The following CRYBG1 variants were observed in gnomAD, a reference collection of about 807,000 sequenced individuals.
CRYBG1 encodes the protein crystallin beta-gamma domain containing 1, also known as beta/gamma crystallin domain-containing protein 1.
A neutral mutation model predicts 189.2 loss-of-function variants in CRYBG1; 139 were observed. The ratio of observed to expected loss-of-function variants is 0.73; its 90% confidence interval spans 0.64 to 0.85. The LOEUF (loss-of-function observed/expected upper bound fraction) is 0.85, where lower values mean the gene tolerates loss of function less well. Ranked by LOEUF, CRYBG1 falls within the 40% of genes least tolerant of loss-of-function variation. CRYBG1 has a pLI of 0.00. For synonymous variants in CRYBG1, 1,023 were observed against 1,017.1 expected, an observed-to-expected ratio of 1.01 and a Z score of -0.11; for missense variants, 2,611 against 2,675.8, an observed-to-expected ratio of 0.98 and a Z score of 0.53.
intron 8 of CRYBG1, among the ~76,000 whole-genome samples, chr6:106,535,425 T>G (rs1773981192): frequency 6.6e-6 from 1 of 152,218 alleles, no homozygotes; most frequent in South Asian, 2.1e-4. Context: ...TTTACCATAT[T>G]TGTGTTATTT....
chr6:106,431,439 T>G (rs1346032920), intron 1 of CRYBG1, among the ~76,000 whole-genome samples: 1 of 152,012 alleles, frequency 6.6e-6, no homozygotes, highest in Non-Finnish European at 1.5e-5. Flanking sequence ...AGGAGATAAT[T>G]CAGCATCACG....
At chr6:106,491,585 A>T (rs1772723626) in intron 2 of CRYBG1, among the ~76,000 whole-genome samples, 1 of 152,032 alleles carries the variant, frequency 6.6e-6, no homozygotes, top group Non-Finnish European at 1.5e-5. Flanking sequence ...ACTCTGCGTC[A>T]TGGAGTTCCT....
In CRYBG1 at chr6:106,568,519, A is replaced by G. The variant is rs373762109; in HGVS notation, c.6349A>G (p.Lys2117Glu). 5 of 1,613,970 alleles carry G rather than the reference A, an allele frequency of 3.1e-6. No homozygotes were observed. In the African/African-American group the frequency reaches 6.7e-5, roughly 22 times the overall value. ...QNHIILNTVSKEKFTQVWEAM... is the reference protein window; with the variant it reads ...QNHIILNTVSEEKFTQVWEAM... ...TCACATTATCCTCAACACTGTCAGC[A>G]AAGAGAAGTTTACACAAGTGTGGGA... The change falls in exon 22 of 22, where the codon AAA becomes GAA. Residue 2117 changes from lysine (K) to glutamate (E), a missense_variant. By Grantham distance (56) the Lys-to-Glu change is moderately conservative. Coordinates refer to ENST00000633556, the MANE Select transcript of CRYBG1 (RefSeq NM_001371242.2).
chr6:106,362,238 G>A (rs1342621158), intron 1 of CRYBG1, among the ~76,000 whole-genome samples: 1 of 151,644 alleles, frequency 6.6e-6, no homozygotes, highest in Non-Finnish European at 1.5e-5. Flanking sequence ...CAAAGTGCTG[G>A]GATTACAGGC....
chr6:106,507,565 A>G (rs1388269555), intron 2 of CRYBG1, among the ~76,000 whole-genome samples: 1 of 152,004 alleles, frequency 6.6e-6, no homozygotes, highest in Non-Finnish European at 1.5e-5. Flanking sequence ...GCAAATTATC[A>G]TCAAGCCTGG....
intron 8 of CRYBG1, among the ~76,000 whole-genome samples, chr6:106,533,712 T>C (rs1350006308): frequency 6.6e-6 from 1 of 152,120 alleles, no homozygotes; most frequent in African/African-American, 2.4e-5. Context: ...CCAACATTTA[T>C]TGAGACGAAA....
Position 106,512,014 on chromosome 6 carries a change from G to T in CRYBG1, c.897G>T (p.Ser299=), listed in dbSNP as rs1485377618. 5.2e-6 allele frequency: 8 copies of T among 1,529,260 alleles called. No individual in the cohort carries two copies. In the East Asian group the frequency reaches 2.0e-4, roughly 38 times the overall value. The allele number at this position is 1,529,260 out of a possible 1,614,324, so 94.7% of individuals were successfully genotyped here. ...TGGGTGTGAGGGGTGCGCCAGGGTC[G>T]CCCACCCAGGAGCGGCCCGCGGGAG... The part of the protein sequence containing the change: ...AFLGVRGAPG[S]PTQERPAGGL... The change falls in exon 3 of 22, where the codon TCG becomes TCT. Residue 299 remains serine (S), a synonymous_variant. Transcript: ENST00000633556.
chr6:106,434,723 T>G (rs564494470), intron 1 of CRYBG1, among the ~76,000 whole-genome samples: 1 of 152,358 alleles, frequency 6.6e-6, no homozygotes, highest in East Asian at 1.9e-4. Context: ...ACAATTGCTG[T>G]GTGGCTCTTC....
chr6:106,371,397 G>A (rs1016521483), intron 1 of CRYBG1, among the ~76,000 whole-genome samples: 1 of 152,180 alleles, frequency 6.6e-6, no homozygotes, highest in Non-Finnish European at 1.5e-5. Context: ...CTGGGCAGAG[G>A]AGGCTCACCC....
chr6:106,512,458 G>A lies in CRYBG1; in HGVS notation c.1341G>A (p.Val447=). 6.2e-7 allele frequency: 1 copy of A among 1,611,036 alleles called. No homozygotes were observed. Among genetic ancestry groups the A allele is most frequent in the Non-Finnish European group, 8.5e-7 (1 of 1,179,082 alleles). The change falls in exon 3 of 22, where the codon GTG becomes GTA. Residue 447 remains valine, a synonymous_variant. Coordinates refer to ENST00000633556, the MANE Select transcript of CRYBG1 (RefSeq NM_001371242.2). ...AGAGCGCTGCCAGGGACGACGCGGT[G>A]TTCGACGACGAGGTGGCGCCAAACG... The part of the protein sequence containing the change: ...LPESAARDDA[V]FDDEVAPNAA...
At chr6:106,462,157 TTTTG>T (rs1216398564) in intron 2 of CRYBG1, among the ~76,000 whole-genome samples, 7 of 151,602 alleles carry the variant, frequency 4.6e-5, no homozygotes, top group Non-Finnish European at 7.4e-5. Flanking sequence ...TTTGTTTGTT[TTTTG>T]TTTTTTTGTT....
chr6:106,499,207 C>T (rs1212393228), intron 2 of CRYBG1, among the ~76,000 whole-genome samples: 1 of 144,010 alleles, frequency 6.9e-6, no homozygotes, highest in Non-Finnish European at 1.5e-5. Flanking sequence ...GGCTGGAGTG[C>T]AGTGGCGTGA....
intron 2 of CRYBG1, among the ~76,000 whole-genome samples, chr6:106,489,330 GCAACT>G (rs1772663714): frequency 6.6e-6 from 1 of 151,906 alleles, no homozygotes; most frequent in Non-Finnish European, 1.5e-5. Context: ...TGAAAGCCAG[GCAACT>G]CTAGTTGGCC....
chr6:106,405,103 C>T (rs1166523527), intron 1 of CRYBG1, among the ~76,000 whole-genome samples: 1 of 152,172 alleles, frequency 6.6e-6, no homozygotes, highest in East Asian at 1.9e-4. Context: ...GATTCCACCC[C>T]CATGGAGCCC....
chr6:106,521,334 G>C lies in CRYBG1; in HGVS notation c.4126G>C (p.Val1376Leu). ...GGAAAAGGCTAATCATATTGAAAGT[G>C]TTATTAAATCAAACTTGCCAAACTG... ...DMEKANHIES[V>L]IKSNLPNCAN... is the part of the protein sequence containing the mutation. The change falls in exon 4 of 22, where the codon GTT (valine) becomes CTT (leucine). Residue 1376 changes from valine (V) to leucine (L), a missense_variant. Val to Leu is a conservative substitution (Grantham distance 32). Transcript: ENST00000633556. 1 of 1,614,142 alleles carries C rather than the reference G, an allele frequency of 6.2e-7. No homozygotes were observed. Among genetic ancestry groups the C allele is most frequent in the Non-Finnish European group, 8.5e-7 (1 of 1,180,036 alleles).
At chr6:106,462,402 G>A (rs1228574332) in intron 2 of CRYBG1, among the ~76,000 whole-genome samples, 1 of 152,044 alleles carries the variant, frequency 6.6e-6, no homozygotes, top group African/African-American at 2.4e-5. Context: ...CTCGTGATCC[G>A]CCCACCTCAG....
chr6:106,420,355 A>C (rs1582752427), intron 1 of CRYBG1, among the ~76,000 whole-genome samples: 1 of 152,194 alleles, frequency 6.6e-6, no homozygotes, highest in Non-Finnish European at 1.5e-5. Context: ...AGTCTCAGTA[A>C]ATCTACATTT....
intron 1 of CRYBG1, among the ~76,000 whole-genome samples, chr6:106,400,136 CAAAA>C (rs11286627): frequency 2.0e-4 from 15 of 76,378 alleles, no homozygotes; most frequent in African/African-American, 6.6e-4. Context: ...GACTCCATCT[CAAAA>C]AAAAAAAAAA....
chr6:106,436,151 A>G (rs563859303), intron 1 of CRYBG1, among the ~76,000 whole-genome samples: 2 of 149,032 alleles, frequency 1.3e-5, no homozygotes, highest in Non-Finnish European at 3.0e-5. Context: ...TTTTCTTATT[A>G]TAAGAGAATG....
Sources: gnomAD v4.1 joint callset for allele counts (sites outside exome capture counted in the v4.1 genomes callset) on GRCh38, gnomAD v4.1.1 for gene constraint, MANE v1.5 for transcripts, NCBI Gene and HGNC (gene_info 2026-07-23, HGNC 2026-07-21) for gene names.